The following NRL variants were observed in gnomAD, a reference collection of about 807,000 sequenced individuals.
NRL encodes neural retina leucine zipper, also known as neural retina-specific leucine zipper protein.
NRL carries 16 observed loss-of-function variants against 12.5 expected under a neutral mutation model. That is an observed-to-expected ratio of 1.28 (90% CI 0.87 to 1.95). The LOEUF is 1.95. Ranked by LOEUF, NRL falls within the 30% of genes most tolerant of loss-of-function variation. The pLI, the probability that NRL is intolerant of heterozygous loss-of-function variation, is 0.00. For missense variants in NRL, 314 were observed against 325.8 expected (o/e 0.96, Z 0.28); for synonymous variants, 142 against 150.9 (o/e 0.94, Z 0.43).
At chr14:24,096,634 G>T (rs2036897941) in intron 1 of NRL, among the ~76,000 whole-genome samples, 1 of 152,102 alleles carries the variant, frequency 6.6e-6, no homozygotes, top group Non-Finnish European at 1.5e-5. Context: ...CTTCCACACA[G>T]CCAGGCATGT....
Position 24,099,051 on chromosome 14 carries a change from G to A in NRL, c.-28+15671C>T, listed in dbSNP as rs747648609. ...CCCCATGACCCCATTGTCCCCAGGGGAGCCAGTGAGCCAGTGGCCGTGCAA... is the reference window on the plus strand; with the variant it reads ...CCCCATGACCCCATTGTCCCCAGGGAAGCCAGTGAGCCAGTGGCCGTGCAA... On this transcript the variant is annotated intron_variant, in intron 1 of 2. Coordinates refer to ENST00000561028, the MANE Select transcript of NRL (RefSeq NM_001354768.3). The A allele has an allele frequency of 2.5e-6, 4 of 1,598,878 alleles. 1 individual carries two copies. In the South Asian group the frequency reaches 3.3e-5, roughly 13 times the overall value.
chr14:24,081,927 C>T lies in NRL; in HGVS notation c.382-359G>A, dbSNP rs1055647569. ...CCGCACCCAGACAGCCCCCAACCCT[C>T]CAACGCGCTGCGTTTCCCTGTCCTG... On this transcript the variant is annotated intron_variant, in intron 2 of 2. Coordinates refer to ENST00000561028, the MANE Select transcript of NRL (RefSeq NM_001354768.3). The surrounding 1 kb of genome is among the most constrained non-coding windows in gnomAD (Gnocchi z 4.4). 1 of 1,275,788 alleles carries T rather than the reference C, an allele frequency of 7.8e-7. No homozygotes were observed. The highest frequency in any genetic ancestry group is 3.6e-5 in the Admixed American group (1 of 28,116). 79.0% of individuals were successfully genotyped at this position (1,275,788 alleles called of 1,614,324 possible).
chr14:24,084,649 C>T, intron 1 of NRL: 4 of 985,402 alleles, frequency 4.1e-6, no homozygotes, highest in Non-Finnish European at 4.8e-6. Flanking sequence ...GCACAGAGCC[C>T]AAAGGGCATT....
chr14:24,093,274 T>C (rs1481900098), intron 1 of NRL: 1 of 152,282 alleles, frequency 6.6e-6, no homozygotes, highest in East Asian at 1.9e-4. Flanking sequence ...TATCCAGTGG[T>C]CTCAGGTTGG....
At chr14:24,088,929 C>T (rs868566421) in intron 1 of NRL, among the ~76,000 whole-genome samples, 4 of 151,642 alleles carry the variant, frequency 2.6e-5, no homozygotes, top group East Asian at 3.9e-4. Context: ...CCTCAGACTC[C>T]GGCTGGAACT....
Position 24,081,339 on chromosome 14 carries a change from T to A in NRL, c.611A>T (p.Glu204Val). ...LAAQLDALRA[E>V]VARLARERDL... is the part of the protein sequence containing the mutation. ...GCGCTCCCGGGCCAGGCGGGCCACC[T>A]CGGCCCGCAGCGCGTCCAGCTGGGC... Residue 204 changes from glutamate (E) to valine (V), a missense_variant, in exon 3 of 3, where the codon GAG becomes GTG. Physicochemically the swap from Glu to Val is moderately radical, Grantham distance 121. Transcript: ENST00000561028. The surrounding 1 kb of genome is among the most constrained non-coding windows in gnomAD (Gnocchi z 4.4). 6.8e-7 allele frequency: 1 copy of A among 1,471,684 alleles called. No individual in the cohort carries two copies. The highest frequency in any genetic ancestry group is 9.0e-7 in the Non-Finnish European group (1 of 1,109,870). 91.2% of individuals were successfully genotyped at this position (1,471,684 alleles called of 1,614,324 possible). A position where few individuals can be genotyped will look rare whatever the true frequency, so the allele number is the denominator to read the frequency against.
intron 1 of NRL, chr14:24,103,551 T>A: frequency 6.4e-7 from 1 of 1,569,784 alleles, no homozygotes; most frequent in Non-Finnish European, 8.6e-7. Context: ...GCGGCCCTTT[T>A]TTGGCTACAA....
chr14:24,084,324 T>C (rs2036410606), intron 1 of NRL, among the ~76,000 whole-genome samples: 1 of 152,166 alleles, frequency 6.6e-6, no homozygotes, highest in African/African-American at 2.4e-5. Context: ...AAGAACTGGA[T>C]GTACAGAAGG....
rs1274786910 is a variant in NRL at position 24,080,925 on chromosome 14, T to TC, written c.*310dup. ...GTGGGAGCTGCAACCCTCCTCCACCTCCCATTCACTGTGTCACCACACTTC... is the reference window on the plus strand; with the variant it reads ...GTGGGAGCTGCAACCCTCCTCCACCTCCCCATTCACTGTGTCACCACACTTC... On this transcript the variant is annotated 3_prime_UTR_variant, in exon 3 of 3. Transcript: ENST00000561028. 3 of 304,760 alleles carry TC rather than the reference T, an allele frequency of 9.8e-6. No individual in the cohort carries two copies. Among genetic ancestry groups the TC allele is most frequent in the Non-Finnish European group, 1.8e-5 (3 of 166,000 alleles). The allele number at this position is 304,760 out of a possible 1,614,324, so 18.9% of individuals were successfully genotyped here. A position where few individuals can be genotyped will look rare whatever the true frequency, so the allele number is the denominator to read the frequency against.
chr14:24,101,141 A>G lies in NRL; in HGVS notation c.-28+13581T>C, dbSNP rs369903079. ...TAAGCCCCCCTCAGCCTTCCCACCC[A>G]ACTGAGAAATCCAAGAAACTTTCAT... On this transcript the variant is annotated intron_variant, in intron 1 of 2. Transcript: ENST00000561028. Among the ~76,000 whole-genome samples, 40 of 152,086 alleles carry G rather than the reference A, an allele frequency of 2.6e-4. 1 individual carries two copies. The highest frequency in any genetic ancestry group is 8.7e-4 in the African/African-American group (36 of 41,420).
Position 24,082,501 on chromosome 14 carries a change from C to T in NRL, c.348G>A (p.Gly116=), listed in dbSNP as rs748631053. 1 of 1,613,078 alleles carries T rather than the reference C, an allele frequency of 6.2e-7. No homozygotes were observed. The highest frequency in any genetic ancestry group is 2.2e-5 in the East Asian group (1 of 44,874). ...PVDGPHGYYP[G]SPEETGAQHV... ...GCTGGGCTCCTGTCTCCTCTGGGCTCCCTGGGTAGTAGCCATGGGGCCCAT... is the reference window on the plus strand; with the variant it reads ...GCTGGGCTCCTGTCTCCTCTGGGCTTCCTGGGTAGTAGCCATGGGGCCCAT... Residue 116 remains glycine (G), a synonymous_variant, in exon 2 of 3, where the codon GGG becomes GGA. Coordinates refer to ENST00000561028, the MANE Select transcript of NRL (RefSeq NM_001354768.3).
At chr14:24,098,958 G>T in intron 1 of NRL, 1 of 1,002,430 alleles carries the variant, frequency 1.0e-6, no homozygotes, top group Non-Finnish European at 1.5e-6. Flanking sequence ...CTGCTCCCAA[G>T]TGTCTCTCCT....
chr14:24,092,855 C>T (rs766095404), intron 1 of NRL, among the ~76,000 whole-genome samples: 3 of 152,236 alleles, frequency 2.0e-5, no homozygotes, highest in Non-Finnish European at 4.4e-5. Flanking sequence ...ATCCATTGCT[C>T]GCCATCTCCC....
intron 1 of NRL, chr14:24,103,087 A>T: frequency 1.5e-6 from 2 of 1,305,088 alleles, no homozygotes; most frequent in Non-Finnish European, 2.2e-6. Context: ...AGTACCAGTC[A>T]AGCTCACCAG....
intron 1 of NRL, chr14:24,102,962 T>C (rs2037225498): frequency 6.8e-7 from 1 of 1,463,060 alleles, no homozygotes; most frequent in African/African-American, 1.4e-5. Context: ...TCCCTCCCTC[T>C]GATCCAGAGC....
chr14:24,086,916 G>A (rs2036480137), intron 1 of NRL, among the ~76,000 whole-genome samples: 1 of 152,206 alleles, frequency 6.6e-6, no homozygotes, highest in South Asian at 2.1e-4. Flanking sequence ...AGGACCAAGG[G>A]CACAGAGAGG....
chr14:24,081,700 T>C lies in NRL; in HGVS notation c.382-132A>G. On this transcript the variant is annotated intron_variant, in intron 2 of 2. Transcript: ENST00000561028. This position sits in a 1 kb window ranked among gnomAD's most constrained non-coding sequence, Gnocchi z 4.4. ...CCCACCTTCACCGGAAGGCTCGCCC[T>C]TCCACGCAGTCTGTTTCGGTCCAGA... 6.6e-7 allele frequency: 1 copy of C among 1,525,050 alleles called. No homozygotes were observed. Among genetic ancestry groups the C allele is most frequent in the Non-Finnish European group, 8.8e-7 (1 of 1,139,458 alleles). The allele number at this position is 1,525,050 out of a possible 1,614,324, so 94.5% of individuals were successfully genotyped here. A position where few individuals can be genotyped will look rare whatever the true frequency, so the allele number is the denominator to read the frequency against.
chr14:24,097,870 A>G (rs2036963047), intron 1 of NRL, among the ~76,000 whole-genome samples: 1 of 152,182 alleles, frequency 6.6e-6, no homozygotes, highest in Non-Finnish European at 1.5e-5. Context: ...CTGGGATTAC[A>G]GGCATGAGCC....
chr14:24,092,213 T>C (rs2036652488), intron 1 of NRL, among the ~76,000 whole-genome samples: 1 of 151,954 alleles, frequency 6.6e-6, no homozygotes, highest in Non-Finnish European at 1.5e-5. Context: ...GAGGGGTTGG[T>C]GTTTGGAGAG....
Sources: allele counts gnomAD v4.1 joint callset (sites outside exome capture counted in the v4.1 genomes callset), GRCh38; gene constraint gnomAD v4.1.1; non-coding constraint Gnocchi (gnomAD v3.1); transcripts MANE v1.5; gene names NCBI Gene and HGNC (gene_info 2026-07-23, HGNC 2026-07-21).